The following RBFOX1 variants were observed in gnomAD, a reference collection of about 807,000 sequenced individuals.
The protein encoded by RBFOX1 is RNA binding fox-1 homolog 1.
Under a neutral mutation model 57.7 loss-of-function variants are expected in RBFOX1, and 8 were observed. The observed-to-expected ratio is 0.14, with a 90% confidence interval of 0.08 to 0.25. The LOEUF is 0.25. Ranked by LOEUF, RBFOX1 falls within the 10% of genes least tolerant of loss-of-function variation. The probability of loss-of-function intolerance (pLI) is 1.00; values close to 1 mark genes in which losing one functional copy is unlikely to be tolerated. For synonymous variants in RBFOX1, 326 were observed against 222.4 expected (o/e 1.47, Z -4.15); for missense variants, 611 against 548.5 (o/e 1.11, Z -1.14).
Position 7,145,459 on chromosome 16 carries a change from G to A in RBFOX1, c.27+93361G>A, listed in dbSNP as rs546872942. Among the ~76,000 whole-genome samples the A allele has an allele frequency of 5.3e-5, 8 of 152,134 alleles. No homozygotes were observed. In the South Asian group the frequency reaches 6.2e-4, roughly 12 times the overall value. Reference sequence around the variant, plus strand: ...TGACTTGAAGTGATCCACCTCCCTCGGCCTCCCAAAGTGCTGAGATGAGAG... The same window carrying A: ...TGACTTGAAGTGATCCACCTCCCTCAGCCTCCCAAAGTGCTGAGATGAGAG... On this transcript the variant is annotated intron_variant, in intron 4 of 15. Coordinates refer to ENST00000550418, the MANE Select transcript of RBFOX1 (RefSeq NM_018723.4).
intron 2 of RBFOX1, among the ~76,000 whole-genome samples, chr16:6,462,747 C>T (rs191275761): frequency 6.5e-4 from 98 of 150,692 alleles, no homozygotes; most frequent in African/African-American, 2.1e-3. Context: ...GTCTTCCCGA[C>T]GCTATAAACT....
chr16:6,067,430 G>A (rs1184245272), intron 1 of RBFOX1, among the ~76,000 whole-genome samples: 1 of 152,084 alleles, frequency 6.6e-6, no homozygotes, highest in African/African-American at 2.4e-5. Context: ...ACAAGCGAAT[G>A]CCTGGATAGG....
intron 3 of RBFOX1, among the ~76,000 whole-genome samples, chr16:6,689,070 C>G (rs552773544): frequency 6.6e-6 from 1 of 152,190 alleles, no homozygotes; most frequent in African/African-American, 2.4e-5. Flanking sequence ...CAAGTCTTTG[C>G]TATTATGAAC....
intron 4 of RBFOX1, among the ~76,000 whole-genome samples, chr16:7,113,797 A>C (rs992714746): frequency 6.6e-6 from 1 of 152,110 alleles, no homozygotes; most frequent in Non-Finnish European, 1.5e-5. Flanking sequence ...GATGGGCATT[A>C]AAGTTCCCTC....
chr16:6,343,503 C>T (rs1599845791), intron 2 of RBFOX1, among the ~76,000 whole-genome samples: 1 of 152,174 alleles, frequency 6.6e-6, no homozygotes, highest in South Asian at 2.1e-4. Flanking sequence ...TCTTATCCCT[C>T]CTGAGGTGGA....
intron 3 of RBFOX1, among the ~76,000 whole-genome samples, chr16:6,756,646 T>G (rs1177762238): frequency 3.3e-5 from 5 of 152,020 alleles, no homozygotes; most frequent in Non-Finnish European, 7.4e-5. Context: ...CATTTAAAAA[T>G]GGGCAAAGGA....
At chr16:7,319,945 C>G (rs1012581254) in intron 4 of RBFOX1, among the ~76,000 whole-genome samples, 2 of 152,242 alleles carry the variant, frequency 1.3e-5, no homozygotes, top group African/African-American at 4.8e-5. Context: ...GTGTTTGGCA[C>G]ATAGTGAGAC....
At chr16:5,266,318 C>T (rs866894205) in intron 1 of RBFOX1, among the ~76,000 whole-genome samples, 9 of 152,202 alleles carry the variant, frequency 5.9e-5, no homozygotes, top group African/African-American at 2.2e-4. Flanking sequence ...CACAACTCCC[C>T]CCAAGTACAG....
intron 3 of RBFOX1, among the ~76,000 whole-genome samples, chr16:6,876,902 A>G (rs563131170): frequency 3.9e-5 from 6 of 152,342 alleles, no homozygotes; most frequent in Admixed American, 3.3e-4. Context: ...TTAGCCCACC[A>G]AGTACTGGGT....
intron 3 of RBFOX1, among the ~76,000 whole-genome samples, chr16:6,948,867 G>A (rs952792990): frequency 3.3e-5 from 5 of 152,092 alleles, no homozygotes; most frequent in East Asian, 1.9e-4. Context: ...TCTATAAACC[G>A]ATTACAGTGA....
At chr16:6,032,709 A>C (rs1387599177) in intron 1 of RBFOX1, among the ~76,000 whole-genome samples, 1 of 152,176 alleles carries the variant, frequency 6.6e-6, no homozygotes, top group Non-Finnish European at 1.5e-5. Flanking sequence ...AGTAAAAACA[A>C]CACAAGTATA....
chr16:5,875,538 A>C (rs1007749758), intron 4 of RBFOX1, among the ~76,000 whole-genome samples: 1 of 152,230 alleles, frequency 6.6e-6, no homozygotes, highest in Admixed American at 6.5e-5. Flanking sequence ...GGCAATAAGC[A>C]TATTATTTGG....
At chr16:6,029,843 C>A (rs2095263356) in intron 1 of RBFOX1, among the ~76,000 whole-genome samples, 1 of 149,802 alleles carries the variant, frequency 6.7e-6, no homozygotes, top group Non-Finnish European at 1.5e-5. Context: ...GAACCAAGAA[C>A]TTCTGGTAAG....
At chr16:5,657,607 G>GCTTGCTTTCTTTCTTT (rs2049470915) in intron 3 of RBFOX1, among the ~76,000 whole-genome samples, 1 of 94,150 alleles carries the variant, frequency 1.1e-5, no homozygotes, top group African/African-American at 3.7e-5. Context: ...TTTCTCGCTC[G>GCTTGCTTTCTTTCTTT]CTTTCTTTCT....
rs148907524 is a variant in RBFOX1, at chr16:7,307,267, A to G, written c.28-210880A>G. Among the ~76,000 whole-genome samples, 261 of 152,346 alleles carry G rather than the reference A, an allele frequency of 1.7e-3. 1 individual carries two copies. Among genetic ancestry groups the G allele is most frequent in the Middle Eastern group, 6.8e-3 (2 of 294 alleles). ...GTTTCATATGGTTATTTCTTATCCAATAACTAAGGAAAATGACTTCATTAA... is the reference window on the plus strand; with the variant it reads ...GTTTCATATGGTTATTTCTTATCCAGTAACTAAGGAAAATGACTTCATTAA... On this transcript the variant is annotated intron_variant, in intron 4 of 15. Coordinates refer to ENST00000550418, the MANE Select transcript of RBFOX1 (RefSeq NM_018723.4).
chr16:7,402,021 A>G (rs1318867010), intron 4 of RBFOX1, among the ~76,000 whole-genome samples: 1 of 152,138 alleles, frequency 6.6e-6, no homozygotes, highest in Non-Finnish European at 1.5e-5. Flanking sequence ...AGTTATTTTT[A>G]TTTTATTTTC....
At chr16:6,296,494 C>T (rs905450904) in intron 1 of RBFOX1, among the ~76,000 whole-genome samples, 1 of 151,558 alleles carries the variant, frequency 6.6e-6, no homozygotes, top group Admixed American at 6.6e-5. Context: ...GATCTCGGCT[C>T]ACTGCAAGCT....
chr16:7,231,769 A>T (rs762962979), intron 4 of RBFOX1, among the ~76,000 whole-genome samples: 5 of 152,226 alleles, frequency 3.3e-5, no homozygotes, highest in Non-Finnish European at 7.3e-5. Context: ...TGGACCTCAA[A>T]AACACTGTGG....
At chr16:6,612,979 G>C (rs556245131) in intron 2 of RBFOX1, among the ~76,000 whole-genome samples, 40 of 151,584 alleles carry the variant, frequency 2.6e-4, no homozygotes, top group African/African-American at 9.2e-4. Context: ...TGCCAAGTGA[G>C]AGAAGGCAGG....
Sources: gnomAD v4.1 joint callset for allele counts (sites outside exome capture counted in the v4.1 genomes callset) on GRCh38, gnomAD v4.1.1 for gene constraint, MANE v1.5 for transcripts, NCBI Gene and HGNC (gene_info 2026-07-23, HGNC 2026-07-21) for gene names.